Variants in SYNDIG1 observed in about 807,000 individuals in gnomAD.
SYNDIG1 encodes synapse differentiation-inducing gene protein 1.
A neutral mutation model predicts 19.4 loss-of-function variants in SYNDIG1; 9 were observed. The ratio of observed to expected loss-of-function variants is 0.46; its 90% CI spans 0.28 to 0.81. The LOEUF is 0.81. Ranked by LOEUF, SYNDIG1 falls within the 30% of genes least tolerant of loss-of-function variation. The pLI, the probability that SYNDIG1 is intolerant of heterozygous loss-of-function variation, is 0.12. For synonymous variants in SYNDIG1, 141 were observed against 145.9 expected (o/e 0.97, Z 0.24); for missense variants, 311 against 343.3 (o/e 0.91, Z 0.74).
chr20:24,560,889 T>C (rs986093950), intron 2 of SYNDIG1, among the ~76,000 whole-genome samples: 2 of 148,272 alleles, frequency 1.3e-5, no homozygotes, highest in African/African-American at 5.0e-5. Flanking sequence ...AAAAAAAAAG[T>C]GTTGTTTTGG....
chr20:24,598,255 A>T (rs927174845), intron 3 of SYNDIG1, among the ~76,000 whole-genome samples: 26 of 152,028 alleles, frequency 1.7e-4, no homozygotes, highest in African/African-American at 5.8e-4. Flanking sequence ...AGTGCTTTAG[A>T]CGCACAATTC....
intron 2 of SYNDIG1, among the ~76,000 whole-genome samples, chr20:24,573,253 A>G (rs2058173640): frequency 6.6e-6 from 1 of 152,186 alleles, no homozygotes; most frequent in Non-Finnish European, 1.5e-5. Flanking sequence ...GCCCTTCTGG[A>G]TGGGTCATAG....
intron 3 of SYNDIG1, among the ~76,000 whole-genome samples, chr20:24,648,775 C>T (rs1339401918): frequency 6.6e-6 from 1 of 152,244 alleles, no homozygotes; most frequent in Non-Finnish European, 1.5e-5. Flanking sequence ...GGCCAAGCCA[C>T]AGCAGCCAGA....
At chr20:24,614,828 T>A (rs2058904684) in intron 3 of SYNDIG1, among the ~76,000 whole-genome samples, 1 of 152,230 alleles carries the variant, frequency 6.6e-6, no homozygotes, top group African/African-American at 2.4e-5. Flanking sequence ...AAAATGTTTA[T>A]ATGCATAAAT....
chr20:24,591,534 GT>G (rs2058512173), intron 3 of SYNDIG1, among the ~76,000 whole-genome samples: 1 of 151,754 alleles, frequency 6.6e-6, no homozygotes, highest in African/African-American at 2.4e-5. Context: ...GTGTTCTTTT[GT>G]TTTTTGTTTT....
At chr20:24,548,617 AT>A (rs1452705047) in intron 2 of SYNDIG1, among the ~76,000 whole-genome samples, 6 of 152,232 alleles carry the variant, frequency 3.9e-5, no homozygotes, top group Non-Finnish European at 8.8e-5. Context: ...AATAAACAGC[AT>A]TTTGAAAATT....
chr20:24,549,446 C>T (rs1465503977), intron 2 of SYNDIG1, among the ~76,000 whole-genome samples: 1 of 152,024 alleles, frequency 6.6e-6, no homozygotes, highest in Non-Finnish European at 1.5e-5. Flanking sequence ...TGGGAGAGTT[C>T]CCTGATTCCC....
chr20:24,602,836 G>A (rs1182810539), intron 3 of SYNDIG1, among the ~76,000 whole-genome samples: 3 of 152,194 alleles, frequency 2.0e-5, no homozygotes, highest in Non-Finnish European at 4.4e-5. Context: ...TACAGAGAAT[G>A]TATTATTTTT....
intron 2 of SYNDIG1, among the ~76,000 whole-genome samples, chr20:24,555,145 G>A (rs1210941854): frequency 6.6e-6 from 1 of 152,072 alleles, no homozygotes; most frequent in African/African-American, 2.4e-5. Flanking sequence ...GGGATTGGTG[G>A]TGATATCCCC....
intron 2 of SYNDIG1, among the ~76,000 whole-genome samples, chr20:24,564,824 T>G (rs1293338460): frequency 1.3e-5 from 2 of 152,132 alleles, no homozygotes; most frequent in African/African-American, 4.8e-5. Flanking sequence ...ATTCACAAGT[T>G]GAGGAAAGAG....
In SYNDIG1 at chr20:24,543,395, C is replaced by T. The variant is rs142844812; in HGVS notation, c.298C>T (p.Arg100Cys). Residue 100 changes from arginine to cysteine, a missense_variant, in exon 2 of 4, where the codon CGC becomes TGC. By Grantham distance (180) the Arg-to-Cys change is radical. Transcript: ENST00000376862. ...NIILYSEGVL[R>C]SWGDGVAADC... ...CATCCTCTATTCAGAGGGCGTGCTGCGCTCCTGGGGGGACGGTGTGGCCGC... is the reference window on the plus strand; with the variant it reads ...CATCCTCTATTCAGAGGGCGTGCTGTGCTCCTGGGGGGACGGTGTGGCCGC... 7.4e-6 allele frequency: 12 copies of T among 1,613,672 alleles called. No homozygotes were observed. The highest frequency in any genetic ancestry group is 1.1e-5 in the South Asian group (1 of 91,080).
intron 2 of SYNDIG1, among the ~76,000 whole-genome samples, chr20:24,560,434 C>T (rs1568642377): frequency 6.6e-6 from 1 of 151,594 alleles, no homozygotes; most frequent in African/African-American, 2.4e-5. Flanking sequence ...TGTGTAGTTC[C>T]CTCTGTCATA....
chr20:24,585,260 G>A (rs768338108), intron 3 of SYNDIG1, among the ~76,000 whole-genome samples: 9 of 152,204 alleles, frequency 5.9e-5, no homozygotes, highest in Non-Finnish European at 8.8e-5. Flanking sequence ...AACTGAAGCC[G>A]GTGTCTGCTG....
intron 1 of SYNDIG1, among the ~76,000 whole-genome samples, chr20:24,475,941 A>T (rs1423280262): frequency 6.6e-6 from 1 of 151,352 alleles, no homozygotes; most frequent in African/African-American, 2.4e-5. Flanking sequence ...GCTTACTGCA[A>T]CCTCCGCCTC....
intron 1 of SYNDIG1, among the ~76,000 whole-genome samples, chr20:24,523,787 C>T (rs1444560235): frequency 6.6e-6 from 1 of 152,230 alleles, no homozygotes; most frequent in African/African-American, 2.4e-5. Context: ...GCCTTCCTCA[C>T]AGCATCCATC....
chr20:24,646,722 A>T (rs947202506), intron 3 of SYNDIG1, among the ~76,000 whole-genome samples: 2 of 152,112 alleles, frequency 1.3e-5, no homozygotes, highest in Admixed American at 1.3e-4. Context: ...CCTGAGTTCA[A>T]GTGATTCTCC....
In SYNDIG1 at chr20:24,607,195, A is replaced by G. The variant is rs556799724; in HGVS notation, c.618+22202A>G. Among the ~76,000 whole-genome samples, 278 of 152,116 alleles carry G rather than the reference A, an allele frequency of 1.8e-3. 1 individual carries two copies. The highest frequency in any genetic ancestry group is 6.4e-3 in the African/African-American group (266 of 41,510). ...GCCAACATGGCAAAAACCCATCTCT[A>G]CTAAAAATATAAAAATTAGCTGGGT... is the stretch of plus-strand genomic sequence containing the variant. On this transcript the variant is annotated intron_variant, in intron 3 of 3. Transcript: ENST00000376862.
intron 2 of SYNDIG1, among the ~76,000 whole-genome samples, chr20:24,576,899 C>A (rs2058238197): frequency 6.6e-6 from 1 of 152,158 alleles, no homozygotes; most frequent in African/African-American, 2.4e-5. Context: ...TCTACCTGAC[C>A]CATCCAAATG....
Position 24,661,487 on chromosome 20 carries a change from AG to A in SYNDIG1, c.619-3858del, listed in dbSNP as rs372362687. On this transcript the variant is annotated intron_variant, in intron 3 of 3. Transcript: ENST00000376862. Reference sequence around the variant, plus strand: ...GGAAGGAGGGAGGGAAGAGGGAGGAAGAAGGGAGGGAGGGAAGAGGGAGGAA... The same window carrying A: ...GGAAGGAGGGAGGGAAGAGGGAGGAAAAGGGAGGGAGGGAAGAGGGAGGAA... 3.2e-3 allele frequency among the ~76,000 whole-genome samples: 43 copies of A among 13,464 alleles called. 1 individual carries two copies. The highest frequency in any genetic ancestry group is 4.8e-3 in the South Asian group (1 of 210). The allele number at this position is 13,464 out of a possible 152,430, so 8.8% of individuals were successfully genotyped here. A position where few individuals can be genotyped will look rare whatever the true frequency, so the allele number is the denominator to read the frequency against.
Sources: gnomAD v4.1 joint callset for allele counts (sites outside exome capture counted in the v4.1 genomes callset) on GRCh38, gnomAD v4.1.1 for gene constraint, MANE v1.5 for transcripts, NCBI Gene and HGNC (gene_info 2026-07-23, HGNC 2026-07-21) for gene names.